The following SDK2 variants were observed in gnomAD, a reference collection of about 807,000 sequenced individuals.
SDK2 encodes the protein protein sidekick-2.
Under a neutral mutation model 253.9 loss-of-function variants are expected in SDK2, and 105 were observed. That is an observed-to-expected ratio of 0.41 (90% CI 0.35 to 0.49). The LOEUF is 0.49. Among genes scored for constraint, SDK2 ranks in the 20% least tolerant of loss-of-function variants. SDK2 has a pLI of 0.06. For synonymous variants in SDK2, 1,249 were observed against 1,234.9 expected, an observed-to-expected ratio of 1.01 and a Z score of -0.24; for missense variants, 2,608 against 3,003.0, an observed-to-expected ratio of 0.87 and a Z score of 3.07.
intron 30 of SDK2, 107 bp downstream of exon 30, chr17:73,387,729 G>C: frequency 9.8e-7 from 1 of 1,017,774 alleles, no homozygotes; most frequent in South Asian, 1.7e-5. Context: ...GGAGAGCTGG[G>C]GGCAGGCTGG....
rs2046428591 is a variant in SDK2 at position 73,643,850 on chromosome 17, C to T, written c.64+175G>A. ...AAGTCTCGGAGAGACTGCCCCACCC[C>T]CAAAAGAGCCCCAAAACTTGGGAGA... On this transcript the variant is annotated intron_variant, in intron 1 of 44. Coordinates refer to ENST00000392650, the MANE Select transcript of SDK2 (RefSeq NM_001144952.2). The surrounding 1 kb of genome is among the most constrained non-coding windows in gnomAD (Gnocchi z 6.9). Among the ~76,000 whole-genome samples the T allele has an allele frequency of 1.3e-5, 2 of 152,206 alleles. No individual in the cohort carries two copies. The highest frequency in any genetic ancestry group is 4.1e-4 in the South Asian group (2 of 4,832).
chr17:73,572,767 C>T (rs78076589), intron 1 of SDK2, among the ~76,000 whole-genome samples: 2 of 152,298 alleles, frequency 1.3e-5, no homozygotes, highest in African/African-American at 4.8e-5. Context: ...ATCTTCCTAT[C>T]ATTGACCCCT....
intron 2 of SDK2, among the ~76,000 whole-genome samples, chr17:73,479,800 C>A (rs1298439946): frequency 6.6e-6 from 1 of 152,222 alleles, no homozygotes; most frequent in Non-Finnish European, 1.5e-5. Context: ...AAGCAATTCT[C>A]CTGCCTCAGC....
intron 2 of SDK2, among the ~76,000 whole-genome samples, chr17:73,473,723 C>G (rs928413296): frequency 6.6e-6 from 1 of 152,218 alleles, no homozygotes; most frequent in African/African-American, 2.4e-5. Context: ...TCATTTCACA[C>G]AGCAGTTCCC....
At chr17:73,601,310 G>A (rs55703741) in intron 1 of SDK2, among the ~76,000 whole-genome samples, 40,183 of 151,914 alleles carry the variant, frequency 0.26, 5,424 homozygotes, top group South Asian at 0.35. Flanking sequence ...GTGAGCCACC[G>A]CGCCTGGCCT....
rs369770651 is a variant in SDK2 at position 73,535,577 on chromosome 17, A to G, written c.65-27980T>C. 1.6e-3 allele frequency among the ~76,000 whole-genome samples: 238 copies of G among 152,340 alleles called. 1 individual carries two copies. The highest frequency in any genetic ancestry group is 5.6e-3 in the African/African-American group (233 of 41,578). ...ACACTTAACATCCTGTTCCCCAGGA[A>G]ATATAAAAAAGCCCTGATTGCCCAC... On this transcript the variant is annotated intron_variant, in intron 1 of 44. Transcript: ENST00000392650.
intron 12 of SDK2, among the ~76,000 whole-genome samples, chr17:73,424,610 G>T (rs754541300): frequency 6.6e-6 from 1 of 152,176 alleles, no homozygotes; most frequent in African/African-American, 2.4e-5. Flanking sequence ...AATTACACAC[G>T]CATCAGTGCT....
intron 1 of SDK2, among the ~76,000 whole-genome samples, chr17:73,527,837 C>G (rs1414865099): frequency 6.6e-6 from 1 of 152,138 alleles, no homozygotes; most frequent in Non-Finnish European, 1.5e-5. Flanking sequence ...GGAAACTGTT[C>G]CCTGTCCAGA....
rs759910725 is a variant in SDK2, at chr17:73,348,698, G to A, written c.6066C>T (p.Ser2022=). The change falls in exon 44 of 45, where the codon AGC becomes AGT. Residue 2022 remains serine (S), a synonymous_variant. Transcript: ENST00000392650. ...TGACATCCTCATCCGAGTAGTGCAG[G>A]CTGCCTGGGCTGGGCCTGGGGGGAG... ...TRSPPRPSPG[S]LHYSDEDVTK... 18 of 1,609,980 alleles carry A rather than the reference G, an allele frequency of 1.1e-5. No individual in the cohort carries two copies. Among genetic ancestry groups the A allele is most frequent in the South Asian group, 6.6e-5 (6 of 91,054 alleles).
At chr17:73,401,417 G>A (rs1211727819) in intron 20 of SDK2, among the ~76,000 whole-genome samples, 3 of 152,124 alleles carry the variant, frequency 2.0e-5, no homozygotes, top group Non-Finnish European at 1.5e-5. Flanking sequence ...GAATTGCAGG[G>A]GACATAGTGA....
chr17:73,410,321 T>TTGTC (rs2063115396), intron 18 of SDK2, among the ~76,000 whole-genome samples: 3 of 149,778 alleles, frequency 2.0e-5, no homozygotes, highest in Non-Finnish European at 3.0e-5. Flanking sequence ...TTTTGTTTGT[T>TTGTC]TGTTTGTTTT....
rs373967562 is a variant in SDK2, at chr17:73,383,938, C to T, written c.4643G>A (p.Gly1548Glu). Residue 1548 changes from glycine to glutamate, a missense_variant, in exon 33 of 45, where the codon GGA (glycine) becomes GAA (glutamate). By Grantham distance (98) the Gly-to-Glu change is moderately conservative. Coordinates refer to ENST00000392650, the MANE Select transcript of SDK2 (RefSeq NM_001144952.2). The surrounding 1 kb of genome is among the most constrained non-coding windows in gnomAD (Gnocchi z 4.3). ...RIRYRELLYE[G>E]LRGFTLRGIN... ...GCCTCGAAGCGTGAAGCCCCTCAGT[C>T]CTTCATAGAGCAGCTCCCGGTATCG... 6.2e-7 allele frequency: 1 copy of T among 1,613,906 alleles called. No homozygotes were observed. The highest frequency in any genetic ancestry group is 8.5e-7 in the Non-Finnish European group (1 of 1,179,864).
intron 2 of SDK2, among the ~76,000 whole-genome samples, chr17:73,506,140 G>A (rs1028881836): frequency 9.8e-5 from 15 of 152,356 alleles, no homozygotes; most frequent in African/African-American, 2.9e-4. Context: ...CCACTTGAGC[G>A]TGTCCAAAGT....
At chr17:73,407,730 C>T (rs1279945510) in intron 18 of SDK2, among the ~76,000 whole-genome samples, 3 of 152,120 alleles carry the variant, frequency 2.0e-5, no homozygotes, top group African/African-American at 7.2e-5. Context: ...ATACACCATG[C>T]CCGGCCAGAA....
chr17:73,574,209 C>T (rs1265585895), intron 1 of SDK2, among the ~76,000 whole-genome samples: 1 of 152,182 alleles, frequency 6.6e-6, no homozygotes, highest in African/African-American at 2.4e-5. Context: ...TCCCTTCAGC[C>T]CCTAGAACAT....
At chr17:73,559,607 C>A (rs1000370859) in intron 1 of SDK2, among the ~76,000 whole-genome samples, 1 of 144,890 alleles carries the variant, frequency 6.9e-6, no homozygotes, top group South Asian at 2.2e-4. Flanking sequence ...TGCCCCCCGC[C>A]CCCGCCACCA....
intron 3 of SDK2, among the ~76,000 whole-genome samples, chr17:73,469,992 G>GCGCGCACACACACA (rs1328450219): frequency 1.3e-4 from 16 of 126,264 alleles, no homozygotes; most frequent in East Asian, 2.6e-4. Flanking sequence ...GCGCGCGCGC[G>GCGCGCACACACACA]CACACACACA....
chr17:73,409,929 A>C (rs2032283666), intron 18 of SDK2, among the ~76,000 whole-genome samples: 1 of 151,980 alleles, frequency 6.6e-6, no homozygotes, highest in South Asian at 2.1e-4. Flanking sequence ...ATTTCAGCTC[A>C]CTGTAGCCTT....
chr17:73,510,018 G>A (rs746745326), intron 1 of SDK2, among the ~76,000 whole-genome samples: 8 of 151,850 alleles, frequency 5.3e-5, no homozygotes, highest in Non-Finnish European at 2.9e-5. Flanking sequence ...GGAAGGGAGT[G>A]GACCCAGGTG....
Sources: allele counts gnomAD v4.1 joint callset (sites outside exome capture counted in the v4.1 genomes callset), GRCh38; gene constraint gnomAD v4.1.1; non-coding constraint Gnocchi (gnomAD v3.1); transcripts MANE v1.5; gene names NCBI Gene and HGNC (gene_info 2026-07-23, HGNC 2026-07-21).